Variants in AFG2A observed in about 807,000 individuals in gnomAD.
AFG2A encodes the protein ATPase family gene 2 protein homolog A.
the AFG2A span, among the ~76,000 whole-genome samples, chr4:122,925,875 A>G: frequency 7.9e-5 from 12 of 152,250 alleles, no homozygotes; most frequent in Non-Finnish European, 1.5e-4. Flanking sequence ...GTAGGCACAT[A>G]GTACATATTT....
the AFG2A span, among the ~76,000 whole-genome samples, chr4:123,170,043 C>T: frequency 6.6e-6 from 1 of 152,132 alleles, no homozygotes; most frequent in Admixed American, 6.6e-5. Context: ...GAGGTTCTAA[C>T]AATTGTAATA....
the AFG2A span, among the ~76,000 whole-genome samples, chr4:123,205,309 A>G: frequency 4.6e-5 from 7 of 152,126 alleles, no homozygotes; most frequent in Non-Finnish European, 8.8e-5. Context: ...TCCCACCTCA[A>G]TTTAGTAGCT....
the AFG2A span, among the ~76,000 whole-genome samples, chr4:123,154,871 G>T: frequency 6.6e-6 from 1 of 152,168 alleles, no homozygotes; most frequent in Non-Finnish European, 1.5e-5. Flanking sequence ...CTCAGTAAAG[G>T]TGAGGAAGCA....
the AFG2A span, among the ~76,000 whole-genome samples, chr4:122,976,029 G>A: frequency 6.6e-6 from 1 of 152,010 alleles, no homozygotes; most frequent in Admixed American, 6.6e-5. Flanking sequence ...TAATGCTTCT[G>A]TTTATATATA....
the AFG2A span, among the ~76,000 whole-genome samples, chr4:123,214,297 A>G: frequency 0.02 from 3,030 of 152,270 alleles, 105 homozygotes; most frequent in African/African-American, 0.07. Context: ...TAAGCAGTCA[A>G]GGAAACGTGT....
At chr4:123,123,808 C>T in the AFG2A span, among the ~76,000 whole-genome samples, 7 of 151,260 alleles carry the variant, frequency 4.6e-5, no homozygotes, top group Non-Finnish European at 8.8e-5. Context: ...AAAAATTAGC[C>T]GGGCATGGTG....
At chr4:123,191,408 G>A in the AFG2A span, among the ~76,000 whole-genome samples, 1 of 149,598 alleles carries the variant, frequency 6.7e-6, no homozygotes, top group African/African-American at 2.5e-5. Context: ...GTTCCATAGT[G>A]CCTGCTCTAC....
At chr4:123,196,964 C>T in the AFG2A span, among the ~76,000 whole-genome samples, 24 of 152,116 alleles carry the variant, frequency 1.6e-4, no homozygotes, top group African/African-American at 5.6e-4. Flanking sequence ...AAAGATGTTA[C>T]CAGTATTAAC....
the AFG2A span, among the ~76,000 whole-genome samples, chr4:123,119,638 C>T: frequency 4.6e-5 from 7 of 152,130 alleles, no homozygotes; most frequent in African/African-American, 1.7e-4. Flanking sequence ...AGATGTGCTG[C>T]AACTTACAGA....
At chr4:123,017,250 GAGAGC>G in the AFG2A span, among the ~76,000 whole-genome samples, 1 of 78,856 alleles carries the variant, frequency 1.3e-5, no homozygotes, top group South Asian at 9.3e-4. Context: ...GAGGGAGAGG[GAGAGC>G]GAGAGCGAGA....
At chr4:123,125,368 T>A in the AFG2A span, among the ~76,000 whole-genome samples, 1 of 152,192 alleles carries the variant, frequency 6.6e-6, no homozygotes, top group Non-Finnish European at 1.5e-5. Flanking sequence ...TGTATCCCCA[T>A]CATTAACAAG....
At chr4:123,108,740 A>G in the AFG2A span, among the ~76,000 whole-genome samples, 2 of 152,196 alleles carry the variant, frequency 1.3e-5, no homozygotes, top group African/African-American at 4.8e-5. Flanking sequence ...CTAAGTAGAA[A>G]GTTGAAGAAA....
At chr4:123,015,792 G>A in the AFG2A span, among the ~76,000 whole-genome samples, 8 of 119,696 alleles carry the variant, frequency 6.7e-5, no homozygotes, top group Admixed American at 4.1e-4. Flanking sequence ...CTCCCGGACC[G>A]GGCGGCTCGG....
chr4:122,998,490 T>C, the AFG2A span, among the ~76,000 whole-genome samples: 1 of 148,246 alleles, frequency 6.7e-6, no homozygotes, highest in African/African-American at 2.5e-5. Context: ...GTCCCCAGAG[T>C]GTGATGTTCC....
chr4:123,065,362 C>G, the AFG2A span, among the ~76,000 whole-genome samples: 1 of 152,122 alleles, frequency 6.6e-6, no homozygotes, highest in African/African-American at 2.4e-5. Flanking sequence ...TCCTTAACCT[C>G]TCTAAGCCTT....
the AFG2A span, among the ~76,000 whole-genome samples, chr4:123,023,141 T>A: frequency 6.6e-6 from 1 of 151,374 alleles, no homozygotes; most frequent in African/African-American, 2.4e-5. Context: ...CATATGTAAC[T>A]AACCTGCACA....
chr4:123,190,012 C>G, the AFG2A span, among the ~76,000 whole-genome samples: 1 of 151,706 alleles, frequency 6.6e-6, no homozygotes, highest in African/African-American at 2.4e-5. Context: ...GTTGCCCAGG[C>G]TGGTCTTGAA....
chr4:122,992,136 A>G, the AFG2A span, among the ~76,000 whole-genome samples: 6 of 152,266 alleles, frequency 3.9e-5, no homozygotes, highest in Admixed American at 6.5e-5. Context: ...ATGTGTTTAA[A>G]CAGCATCCAC....
chr4:123,053,104 C>T, the AFG2A span, among the ~76,000 whole-genome samples: 3 of 152,218 alleles, frequency 2.0e-5, no homozygotes, highest in Non-Finnish European at 4.4e-5. Context: ...GGGGCTTTGT[C>T]GCCCAGTCCA....
Sources: allele counts gnomAD v4.1 joint callset (sites outside exome capture counted in the v4.1 genomes callset), GRCh38; gene constraint gnomAD v4.1.1; transcripts MANE v1.5; gene names NCBI Gene and HGNC (gene_info 2026-07-23, HGNC 2026-07-21).